ME3: variants seen among roughly 807,000 people sequenced by gnomAD.
ME3 encodes the protein NADP-dependent malic enzyme, mitochondrial.
In ME3, 48 loss-of-function variants were observed where a neutral mutation model predicts 68.9. The observed-to-expected ratio is 0.70, with a 90% CI of 0.55 to 0.89. The LOEUF is 0.89. Ranked by LOEUF, ME3 falls within the 40% of genes least tolerant of loss-of-function variation. The pLI is 0.00. For missense variants in ME3, 675 were observed against 797.4 expected, an observed-to-expected ratio of 0.85 and a Z score of 1.85; for synonymous variants, 320 against 318.8, an observed-to-expected ratio of 1.00 and a Z score of -0.04.
intron 4 of ME3, among the ~76,000 whole-genome samples, chr11:86,555,711 C>T (rs1302389470): frequency 6.6e-6 from 1 of 152,068 alleles, no homozygotes; most frequent in East Asian, 1.9e-4. Context: ...GATTGTTTTT[C>T]CAAATTAAAA....
chr11:86,573,049 C>G (rs1565157345), intron 2 of ME3, among the ~76,000 whole-genome samples: 1 of 146,868 alleles, frequency 6.8e-6, no homozygotes, highest in African/African-American at 2.5e-5. Flanking sequence ...AGCTTTTTCT[C>G]ATATGTTTGT....
intron 8 of ME3, among the ~76,000 whole-genome samples, chr11:86,455,715 A>G (rs866817439): frequency 1.6e-4 from 25 of 152,262 alleles, no homozygotes; most frequent in Admixed American, 3.3e-4. Flanking sequence ...TCAGCAAGAC[A>G]TTCCTTGCTA....
chr11:86,494,890 A>G (rs772744667), intron 6 of ME3, among the ~76,000 whole-genome samples: 11 of 152,230 alleles, frequency 7.2e-5, no homozygotes, highest in Non-Finnish European at 1.3e-4. Context: ...AAAAATTAGA[A>G]CAAAATTACA....
chr11:86,652,589 G>A (rs1243783255), intron 2 of ME3, among the ~76,000 whole-genome samples: 2 of 152,032 alleles, frequency 1.3e-5, no homozygotes, highest in Non-Finnish European at 2.9e-5. Flanking sequence ...GAGCTCCTGA[G>A]GGAAGCACTA....
intron 4 of ME3, among the ~76,000 whole-genome samples, chr11:86,526,178 C>T (rs1046166455): frequency 5.3e-5 from 8 of 152,200 alleles, no homozygotes; most frequent in Admixed American, 3.3e-4. Context: ...CCTAATACTG[C>T]GCTGTTCCAA....
intron 2 of ME3, among the ~76,000 whole-genome samples, chr11:86,607,068 G>C (rs1187426896): frequency 1.3e-5 from 2 of 152,160 alleles, no homozygotes; most frequent in African/African-American, 4.8e-5. Flanking sequence ...TGTTGTCACT[G>C]TTGTTGATCT....
downstream of ME3, among the ~76,000 whole-genome samples, chr11:86,437,525 G>T (rs1393011738): frequency 7.1e-6 from 1 of 141,664 alleles, no homozygotes; most frequent in Non-Finnish European, 1.5e-5. Flanking sequence ...GGTTTTGATA[G>T]GTATAGTGTT....
At chr11:86,493,254 C>CCCTAA (rs1415952634) in intron 6 of ME3, among the ~76,000 whole-genome samples, 1 of 152,190 alleles carries the variant, frequency 6.6e-6, no homozygotes, top group Non-Finnish European at 1.5e-5. Flanking sequence ...ATGTTTGTTT[C>CCCTAA]CCTAACCAAA....
rs79204799 is a variant in ME3 at position 86,604,342 on chromosome 11, G to C, written c.184-44519C>G. On this transcript the variant is annotated intron_variant, in intron 2 of 14. Coordinates refer to ENST00000543262, the Ensembl canonical transcript of ME3. ...AACCAGTCTTTCAGGTTAAATTTTA[G>C]AATGCCCTGGTTAAGGAGGGAGTCC... 7.8e-3 allele frequency among the ~76,000 whole-genome samples: 1,183 copies of C among 152,168 alleles called. 17 individuals are homozygous for C. The highest frequency in any genetic ancestry group is 0.027 in the African/African-American group (1,138 of 41,520).
At chr11:86,523,224 T>C (rs970638395) in intron 4 of ME3, among the ~76,000 whole-genome samples, 5 of 152,218 alleles carry the variant, frequency 3.3e-5, no homozygotes, top group African/African-American at 1.2e-4. Context: ...TTAGCTCCCA[T>C]TGGGAACATT....
intron 2 of ME3, among the ~76,000 whole-genome samples, chr11:86,617,736 T>C (rs991598015): frequency 2.0e-5 from 3 of 152,188 alleles, no homozygotes; most frequent in Non-Finnish European, 4.4e-5. Flanking sequence ...CCACAAGCTA[T>C]GTGAAGAGGA....
Position 86,448,353 on chromosome 11 carries a change from C to A in ME3, c.1132-98G>T. 2 of 888,576 alleles carry A rather than the reference C, an allele frequency of 2.3e-6. 1 individual carries two copies. The highest frequency in any genetic ancestry group is 3.1e-5 in the South Asian group (2 of 64,958). 55.0% of individuals were successfully genotyped at this position (888,576 alleles called of 1,614,324 possible). On this transcript the variant is annotated intron_variant, in intron 10 of 14. Coordinates refer to ENST00000543262, the Ensembl canonical transcript of ME3. ...ACTCTGAGAGCGTTTCCTGCTGAGC[C>A]CCATGCTTTGGTTTGAGCTGTCAGA...
chr11:86,580,534 T>C (rs960989079), intron 2 of ME3, among the ~76,000 whole-genome samples: 2 of 152,198 alleles, frequency 1.3e-5, no homozygotes, highest in Admixed American at 1.3e-4. Context: ...AGTTTGTGGG[T>C]CTGTATTTTA....
chr11:86,669,812 T>C (rs1329733382), intron 2 of ME3, among the ~76,000 whole-genome samples: 1 of 152,028 alleles, frequency 6.6e-6, no homozygotes, highest in Non-Finnish European at 1.5e-5. Flanking sequence ...AAAACCTAGG[T>C]TTTAAAAAAA....
chr11:86,616,648 A>T (rs1254934942), intron 2 of ME3, among the ~76,000 whole-genome samples: 1 of 152,188 alleles, frequency 6.6e-6, no homozygotes, highest in African/African-American at 2.4e-5. Flanking sequence ...CAGTCTAATA[A>T]TGAGGAAAAC....
At chr11:86,493,769 T>C (rs1952139141) in intron 6 of ME3, among the ~76,000 whole-genome samples, 1 of 152,326 alleles carries the variant, frequency 6.6e-6, no homozygotes, top group Non-Finnish European at 1.5e-5. Context: ...GTTTCAGGGC[T>C]GTGGACAGCA....
At chr11:86,638,084 C>T (rs532377635) in intron 2 of ME3, among the ~76,000 whole-genome samples, 1 of 152,150 alleles carries the variant, frequency 6.6e-6, no homozygotes, top group African/African-American at 2.4e-5. Flanking sequence ...CAGGAGCCCC[C>T]CAGGCCTGGC....
chr11:86,650,981 A>C (rs591474), intron 2 of ME3, among the ~76,000 whole-genome samples: 29 of 152,342 alleles, frequency 1.9e-4, no homozygotes, highest in Admixed American at 1.4e-3. Flanking sequence ...CTACGCCCAC[A>C]GAGCCTCACT....
intron 2 of ME3, among the ~76,000 whole-genome samples, chr11:86,625,248 C>T (rs1943587909): frequency 6.6e-6 from 1 of 152,056 alleles, no homozygotes; most frequent in African/African-American, 2.4e-5. Flanking sequence ...GAAGATCCAG[C>T]ACCCTGAGTT....
Sources: allele counts gnomAD v4.1 joint callset (sites outside exome capture counted in the v4.1 genomes callset), GRCh38; gene constraint gnomAD v4.1.1; transcripts MANE v1.5; gene names NCBI Gene and HGNC (gene_info 2026-07-23, HGNC 2026-07-21).